The following JARID2 variants were observed in gnomAD, a reference collection of about 807,000 sequenced individuals.
JARID2 encodes jumonji and AT-rich interaction domain containing 2.
JARID2 carries 21 observed loss-of-function variants against 125.6 expected under a neutral mutation model. The observed-to-expected ratio is 0.17, with a 90% CI of 0.12 to 0.24. JARID2 has a LOEUF of 0.24. Ranked by LOEUF, JARID2 falls within the 10% of genes least tolerant of loss-of-function variation. The pLI is 1.00. For synonymous variants in JARID2, 736 were observed against 661.6 expected, an observed-to-expected ratio of 1.11 and a Z score of -1.73; for missense variants, 1,303 against 1,639.6, an observed-to-expected ratio of 0.79 and a Z score of 3.55.
chr6:15,272,231 G>A (rs1454947242), intron 1 of JARID2, among the ~76,000 whole-genome samples: 1 of 152,258 alleles, frequency 6.6e-6, no homozygotes, highest in African/African-American at 2.4e-5. Flanking sequence ...GGCCCTCTAT[G>A]TTGTCCTTTC....
chr6:15,364,853 C>G lies in JARID2; in HGVS notation c.46-9264C>G, dbSNP rs187525695. The stretch of plus-strand genomic sequence containing the variant: ...CCATTGACAGGTGGTCGGATTGTGG[C>G]CATTGAGTAACTGAAATGTGACCAG... On this transcript the variant is annotated intron_variant, in intron 1 of 17. Coordinates refer to ENST00000341776, the MANE Select transcript of JARID2 (RefSeq NM_004973.4). Among the ~76,000 whole-genome samples the G allele has an allele frequency of 3.5e-3, 526 of 152,146 alleles. 1 individual carries two copies. The highest frequency in any genetic ancestry group is 7.9e-3 in the South Asian group (38 of 4,830).
At chr6:15,301,779 C>T (rs1221862715) in intron 1 of JARID2, among the ~76,000 whole-genome samples, 1 of 152,166 alleles carries the variant, frequency 6.6e-6, no homozygotes, top group Non-Finnish European at 1.5e-5. Flanking sequence ...TGGGGCTGCC[C>T]TCTTTGGTAT....
chr6:15,285,111 T>G (rs1760945810), intron 1 of JARID2, among the ~76,000 whole-genome samples: 1 of 130,886 alleles, frequency 7.6e-6, no homozygotes, highest in Non-Finnish European at 1.7e-5. Context: ...TCTGGGTTTT[T>G]TTTTTTTTTT....
chr6:15,520,624 G>GA lies in JARID2; in HGVS notation c.*374dup, dbSNP rs1307820097. 3.6e-6 allele frequency: 1 copy of GA among 276,902 alleles called. No homozygotes were observed. The highest frequency in any genetic ancestry group is 7.4e-6 in the Non-Finnish European group (1 of 135,124). The allele number at this position is 276,902 out of a possible 1,614,324, so 17.2% of individuals were successfully genotyped here. A position where few individuals can be genotyped will look rare whatever the true frequency, so the allele number is the denominator to read the frequency against. ...CCATTTTTGAAGAGGGTGAAGTTTG[G>GA]AGAACAAATTTAAAAACCATCAGTC... On this transcript the variant is annotated 3_prime_UTR_variant, in exon 18 of 18. Transcript: ENST00000341776.
chr6:15,355,274 CA>C (rs1763559598), intron 1 of JARID2, among the ~76,000 whole-genome samples: 2 of 152,028 alleles, frequency 1.3e-5, no homozygotes, highest in Admixed American at 1.3e-4. Context: ...TTGATAACAT[CA>C]AAAAATGCAA....
chr6:15,451,863 A>T, intron 3 of JARID2, 143 bp from the exon 4 acceptor site: 1 of 784,662 alleles, frequency 1.3e-6, no homozygotes, highest in Non-Finnish European at 2.0e-6. Flanking sequence ...TGAGAGTGTG[A>T]GAGATATAGA....
intron 1 of JARID2, among the ~76,000 whole-genome samples, chr6:15,315,375 T>C (rs1762144674): frequency 6.6e-6 from 1 of 152,196 alleles, no homozygotes; most frequent in South Asian, 2.1e-4. Flanking sequence ...CGAAGGTTGA[T>C]GCCCATCTAT....
intron 12 of JARID2, 98 bp from the exon 13 acceptor site, chr6:15,511,198 C>CCCGT: frequency 1.2e-6 from 1 of 817,834 alleles, no homozygotes; most frequent in Non-Finnish European, 2.1e-6. Flanking sequence ...CAGAGCCTCT[C>CCCGT]GTGTGCTCGG....
chr6:15,469,501 C>G (rs938373751), intron 5 of JARID2, among the ~76,000 whole-genome samples: 7 of 148,800 alleles, frequency 4.7e-5, no homozygotes, highest in African/African-American at 1.7e-4. Context: ...GGCGCGATCT[C>G]GGCTCACTGC....
intron 5 of JARID2, among the ~76,000 whole-genome samples, chr6:15,478,756 A>G (rs534162647): frequency 6.6e-6 from 1 of 150,702 alleles, no homozygotes; most frequent in East Asian, 2.0e-4. Flanking sequence ...TGCAGTCTCC[A>G]CCTCCCGGGT....
chr6:15,320,656 C>T (rs1762319994), intron 1 of JARID2, among the ~76,000 whole-genome samples: 1 of 152,120 alleles, frequency 6.6e-6, no homozygotes, highest in Non-Finnish European at 1.5e-5. Context: ...CTTATCTAAT[C>T]AGGGATCCTT....
At chr6:15,498,712 G>A (rs1581648770) in intron 7 of JARID2, among the ~76,000 whole-genome samples, 1 of 152,378 alleles carries the variant, frequency 6.6e-6, no homozygotes, top group South Asian at 2.1e-4. Context: ...ACTGATGCCT[G>A]AGTGACAGTC....
At chr6:15,349,964 C>T (rs573443173) in intron 1 of JARID2, among the ~76,000 whole-genome samples, 6 of 152,186 alleles carry the variant, frequency 3.9e-5, no homozygotes, top group South Asian at 4.1e-4. Context: ...TGGATATTCT[C>T]GGTTCTTGTG....
chr6:15,280,353 A>T (rs1760703406), intron 1 of JARID2, among the ~76,000 whole-genome samples: 1 of 152,104 alleles, frequency 6.6e-6, no homozygotes, highest in Non-Finnish European at 1.5e-5. Flanking sequence ...TTTCCCTTCC[A>T]ATTTAGAAAA....
intron 2 of JARID2, among the ~76,000 whole-genome samples, chr6:15,383,730 T>A (rs1003871070): frequency 6.6e-6 from 1 of 152,184 alleles, no homozygotes; most frequent in Non-Finnish European, 1.5e-5. Context: ...ATTGCCCATT[T>A]AGCAGCATTT....
chr6:15,248,319 GCGCGAGGCGGGCA>G (rs1017125463), intron 1 of JARID2, among the ~76,000 whole-genome samples: 1 of 147,322 alleles, frequency 6.8e-6, no homozygotes, highest in Non-Finnish European at 1.5e-5. Context: ...CTAGGCGGGC[GCGCGAGGCGGGCA>G]CCGGTCTACC....
chr6:15,358,760 C>G (rs1248477028), intron 1 of JARID2, among the ~76,000 whole-genome samples: 3 of 152,220 alleles, frequency 2.0e-5, no homozygotes, highest in Admixed American at 1.3e-4. Flanking sequence ...TTCTTTCTCT[C>G]TACAGTTAGT....
At chr6:15,452,305 A>T in intron 4 of JARID2, 130 bp downstream of exon 4, 13 of 1,343,150 alleles carry the variant, frequency 9.7e-6, no homozygotes, top group South Asian at 3.2e-5. Context: ...TTGAGGGGGA[A>T]TTGAAAGTGA....
chr6:15,249,550 C>T (rs1283637830), intron 1 of JARID2, among the ~76,000 whole-genome samples: 4 of 152,166 alleles, frequency 2.6e-5, no homozygotes, highest in African/African-American at 9.7e-5. Context: ...CTGCCATTGC[C>T]ACTTAACTAA....
Sources: allele counts gnomAD v4.1 joint callset (sites outside exome capture counted in the v4.1 genomes callset), GRCh38; gene constraint gnomAD v4.1.1; transcripts MANE v1.5; gene names NCBI Gene and HGNC (gene_info 2026-07-23, HGNC 2026-07-21).